Variants in SCARB2 observed in about 807,000 individuals in gnomAD.
SCARB2 encodes scavenger receptor class B member 2, also known as lysosome membrane protein 2.
SCARB2 carries 29 observed loss-of-function variants against 58.6 expected under a neutral mutation model. The observed-to-expected ratio is 0.49, with a 90% CI of 0.37 to 0.67. SCARB2 has a LOEUF of 0.67. Among genes scored for constraint, SCARB2 ranks in the 30% least tolerant of loss-of-function variants. The probability of loss-of-function intolerance (pLI) is 0.00; values close to 1 mark genes in which losing one functional copy is unlikely to be tolerated. For synonymous variants in SCARB2, 195 were observed against 210.1 expected (o/e 0.93, Z 0.62); for missense variants, 488 against 578.5 (o/e 0.84, Z 1.60).
At chr4:76,197,895 C>CT (rs201714519) in intron 1 of SCARB2, among the ~76,000 whole-genome samples, 3,473 of 151,240 alleles carry the variant, frequency 0.023, 117 homozygotes, top group African/African-American at 0.08. Flanking sequence ...GTTCCCTTAT[C>CT]TTTTTTTTTA....
Position 76,159,150 on chromosome 4 carries a change from A to T in SCARB2, c.*2563T>A, listed in dbSNP as rs1397441643. Reference sequence around the variant, plus strand: ...AATTTTCCCTGAGAGAAGTGAGTTAAGCTCTCTGTCTTGGTTTCTTCCTCT... The same window carrying T: ...AATTTTCCCTGAGAGAAGTGAGTTATGCTCTCTGTCTTGGTTTCTTCCTCT... On this transcript the variant is annotated 3_prime_UTR_variant, in exon 12 of 12. Coordinates refer to ENST00000264896, the MANE Select transcript of SCARB2 (RefSeq NM_005506.4). The T allele has an allele frequency of 6.6e-6, 1 of 152,178 alleles. No homozygotes were observed. The highest frequency in any genetic ancestry group is 1.5e-5 in the Non-Finnish European group (1 of 68,036). 9.4% of individuals were successfully genotyped at this position (152,178 alleles called of 1,614,324 possible).
intron 1 of SCARB2, among the ~76,000 whole-genome samples, chr4:76,227,507 T>C (rs576216329): frequency 1.8e-4 from 27 of 152,342 alleles, no homozygotes; most frequent in Admixed American, 1.5e-3. Context: ...CAAAAATGAA[T>C]ATTCTGCAGT....
intron 1 of SCARB2, among the ~76,000 whole-genome samples, chr4:76,212,498 T>A (rs890891568): frequency 6.6e-6 from 1 of 152,246 alleles, no homozygotes. Context: ...TGGGCTTTTT[T>A]ATCTGGCCGC....
At chr4:76,187,887 G>A (rs1732521408) in intron 2 of SCARB2, among the ~76,000 whole-genome samples, 1 of 151,930 alleles carries the variant, frequency 6.6e-6, no homozygotes, top group African/African-American at 2.4e-5. Flanking sequence ...TATTATATAT[G>A]TTGATTATAT....
At position 76,166,113 on chromosome 4, in the gene SCARB2, A is replaced by G. The variant is rs148990650; in HGVS notation, c.1239+137T>C. The G allele has an allele frequency of 2.1e-4, 186 of 876,106 alleles. 4 individuals are homozygous for G. The East Asian group carries it at 4.4e-3, about 21-fold the overall frequency. 54.3% of individuals were successfully genotyped at this position (876,106 alleles called of 1,614,324 possible). ...CAGATTCATGTGAACATTTAAGTGA[A>G]ATTTTCTGAGGAATAACAGGTTTTA... On this transcript the variant is annotated intron_variant, in intron 10 of 11. Transcript: ENST00000264896.
upstream of SCARB2, chr4:76,217,736 T>A (rs1272462656): frequency 1.2e-5 from 6 of 515,998 alleles, no homozygotes; most frequent in South Asian, 1.8e-4. Flanking sequence ...ATGAGGAGAC[T>A]GATGCTGTGG....
intron 9 of SCARB2, 117 bp downstream of exon 9, chr4:76,168,286 A>G: frequency 1.2e-6 from 1 of 815,206 alleles, no homozygotes; most frequent in Non-Finnish European, 2.2e-6. Context: ...CCCATCCCTG[A>G]AGGGCAGGGG....
At chr4:76,167,672 T>TC (rs57676252) in intron 9 of SCARB2, among the ~76,000 whole-genome samples, 666 of 50,302 alleles carry the variant, frequency 0.013, 12 homozygotes, top group Non-Finnish European at 0.019. Flanking sequence ...CCTCCCTCCC[T>TC]CCCCCCCCCC....
rs1437225328 is a variant in SCARB2, at chr4:76,160,746, T to C, written c.*967A>G. ...GACTTTCTGAAACTTATGTGTAACT[T>C]AGGCTGTAGATAGATGGATTTCCCA... On this transcript the variant is annotated 3_prime_UTR_variant, in exon 12 of 12. Transcript: ENST00000264896. 1.3e-5 allele frequency: 2 copies of C among 152,210 alleles called. No individual in the cohort carries two copies. Among genetic ancestry groups the C allele is most frequent in the Non-Finnish European group, 2.9e-5 (2 of 68,026 alleles). 9.4% of individuals were successfully genotyped at this position (152,210 alleles called of 1,614,324 possible).
chr4:76,179,879 T>G (rs548962587), intron 3 of SCARB2, 174 bp from the exon 4 acceptor site: 10 of 680,744 alleles, frequency 1.5e-5, no homozygotes, highest in Non-Finnish European at 2.7e-5. Context: ...AGACAAAGCC[T>G]CTTCTCTGTC....
At chr4:76,180,783 GA>G (rs1732366096) in intron 3 of SCARB2, 170 bp downstream of exon 3, 2 of 461,798 alleles carry the variant, frequency 4.3e-6, no homozygotes, top group African/African-American at 4.0e-5. Context: ...ATACATCTTA[GA>G]AAAAAGTCCA....
At chr4:76,169,658 G>GT (rs1732089485) in intron 8 of SCARB2, among the ~76,000 whole-genome samples, 1 of 152,130 alleles carries the variant, frequency 6.6e-6, no homozygotes, top group Non-Finnish European at 1.5e-5. Flanking sequence ...AGGTTTGCTC[G>GT]TATTTCTGCT....
chr4:76,222,938 G>C (rs534044531), intron 1 of SCARB2, among the ~76,000 whole-genome samples: 152 of 152,260 alleles, frequency 1.0e-3, no homozygotes, highest in Non-Finnish European at 1.8e-3. Flanking sequence ...AGAGGCCCAG[G>C]TGAAGCCTCG....
Position 76,160,683 on chromosome 4 carries a change from G to A in SCARB2, c.*1030C>T, listed in dbSNP as rs1051325. The A allele has an allele frequency of 0.67, 101,156 of 151,654 alleles. 36,219 individuals carry two copies. Among genetic ancestry groups the A allele is most frequent in the East Asian group, 0.98 (5,051 of 5,162 alleles). 9.4% of individuals were successfully genotyped at this position (151,654 alleles called of 1,614,324 possible). A position where few individuals can be genotyped will look rare whatever the true frequency, so the allele number is the denominator to read the frequency against. On this transcript the variant is annotated 3_prime_UTR_variant, in exon 12 of 12. Coordinates refer to ENST00000264896, the MANE Select transcript of SCARB2 (RefSeq NM_005506.4). ...AAAGAACTTCAAAATTACCAAGAAG[G>A]CGGCTGTCCCAGAAGAAATATCTCT...
upstream of SCARB2, among the ~76,000 whole-genome samples, chr4:76,214,686 A>T (rs888883924): frequency 6.6e-6 from 1 of 152,146 alleles, no homozygotes; most frequent in Non-Finnish European, 1.5e-5. Context: ...CACAGCCAGG[A>T]CTCAAGAAGT....
At chr4:76,205,932 C>T (rs1201536536) in intron 1 of SCARB2, among the ~76,000 whole-genome samples, 1 of 152,094 alleles carries the variant, frequency 6.6e-6, no homozygotes, top group African/African-American at 2.4e-5. Context: ...CCTTGGGAGC[C>T]AATAAGGGCG....
chr4:76,162,829 GCA>G (rs1227391564), intron 11 of SCARB2: 3 of 344,754 alleles, frequency 8.7e-6, no homozygotes, highest in African/African-American at 2.1e-5. Flanking sequence ...AGAAACTGAA[GCA>G]CAGTTTCTAG....
At chr4:76,196,751 C>A (rs564860602) in intron 1 of SCARB2, among the ~76,000 whole-genome samples, 13 of 152,318 alleles carry the variant, frequency 8.5e-5, no homozygotes, top group African/African-American at 3.1e-4. Flanking sequence ...GGAGGCCTAG[C>A]CTCACTGAGG....
chr4:76,174,015 C>G, intron 7 of SCARB2, 129 bp downstream of exon 7: 1 of 1,162,870 alleles, frequency 8.6e-7, no homozygotes, highest in Non-Finnish European at 1.3e-6. Context: ...AAGTGATCAT[C>G]CCACCTCAGC....
Sources: gnomAD v4.1 joint callset for allele counts (sites outside exome capture counted in the v4.1 genomes callset) on GRCh38, gnomAD v4.1.1 for gene constraint, MANE v1.5 for transcripts, NCBI Gene and HGNC (gene_info 2026-07-23, HGNC 2026-07-21) for gene names.